The following RNF25 variants were observed in gnomAD, a reference collection of about 807,000 sequenced individuals.
The protein encoded by RNF25 is ring finger protein 25.
In RNF25, 32 loss-of-function variants were observed where a neutral mutation model predicts 65.0. The ratio of observed to expected loss-of-function variants is 0.49; its 90% CI spans 0.37 to 0.66. The LOEUF is 0.66. Among genes scored for constraint, RNF25 ranks in the 30% least tolerant of loss-of-function variants. RNF25 has a pLI of 0.00. For missense variants in RNF25, 493 were observed against 584.8 expected, an observed-to-expected ratio of 0.84 and a Z score of 1.62; for synonymous variants, 207 against 221.2, an observed-to-expected ratio of 0.94 and a Z score of 0.57.
In RNF25 at chr2:218,664,365, T is replaced by G; in HGVS notation, c.972A>C (p.Ser324=). The G allele has an allele frequency of 1.9e-6, 3 of 1,614,242 alleles. No individual in the cohort carries two copies. The highest frequency in any genetic ancestry group is 1.1e-5 in the South Asian group (1 of 91,088). The change falls in exon 10 of 10, where the codon TCA becomes TCC. Residue 324 remains serine (S), a synonymous_variant. Transcript: ENST00000295704. The surrounding 1 kb of genome is among the most constrained non-coding windows in gnomAD (Gnocchi z 5.1). ...HICEKIPGTR[S]NQQRLGETQK... ...GGGTTTCGCCCAACCTTTGCTGATT[T>G]GACCTGGTCCCTGGAATCTTCTCAC...
intron 1 of RNF25, among the ~76,000 whole-genome samples, chr2:218,671,341 T>C (rs769528286): frequency 2.6e-5 from 4 of 152,154 alleles, no homozygotes; most frequent in South Asian, 2.1e-4. Context: ...GCTAATAAAA[T>C]GTGGAGTTAA....
chr2:218,665,092 C>G, intron 8 of RNF25, 63 bp downstream of exon 8: 1 of 1,533,332 alleles, frequency 6.5e-7, no homozygotes, highest in Non-Finnish European at 9.0e-7. Flanking sequence ...AGACAAGATG[C>G]CATTCCTTAC....
In RNF25 at chr2:218,665,954, C is replaced by G; in HGVS notation, c.535G>C (p.Glu179Gln). 2 of 1,614,128 alleles carry G rather than the reference C, an allele frequency of 1.2e-6. No individual in the cohort carries two copies. Among genetic ancestry groups the G allele is most frequent in the African/African-American group, 1.3e-5 (1 of 75,022 alleles). The change falls in exon 7 of 10, where the codon GAG becomes CAG. Residue 179 changes from glutamate to glutamine, a missense_variant. By Grantham distance (29) the Glu-to-Gln change is conservative (BLOSUM62 2). Around this residue, in one of 3 missense-constraint regions of RNF25, gnomAD observed 351 missense variants for 400.2 expected, o/e 0.88. Coordinates refer to ENST00000295704, the MANE Select transcript of RNF25 (RefSeq NM_022453.3). ...GCATGCTGCCGTTCCTGTTCCTGCT[C>G]CTGTCCTTGTGCCTTCAGCTCTTGC... ...MEQELKAQGQ[E>Q]QEQERQHATT... is the part of the protein sequence containing the mutation.
rs1245687288 is a variant in RNF25 at position 218,671,924 on chromosome 2, A to G, written c.41+6T>C. 1.2e-6 allele frequency: 2 copies of G among 1,614,030 alleles called. No homozygotes were observed. The highest frequency in any genetic ancestry group is 1.3e-5 in the African/African-American group (1 of 74,920). ...TGTCAGCCAAAGCCCATGCCCCCAAAGTTACCAGTCCTCCTCCCCTGCAGC... is the reference window on the plus strand; with the variant it reads ...TGTCAGCCAAAGCCCATGCCCCCAAGGTTACCAGTCCTCCTCCCCTGCAGC... On this transcript the variant is annotated splice_donor_region_variant and intron_variant, in intron 1 of 9. Coordinates refer to ENST00000295704, the MANE Select transcript of RNF25 (RefSeq NM_022453.3).
At chr2:218,665,782 G>A in intron 7 of RNF25, 134 bp downstream of exon 7, 2 of 1,191,928 alleles carry the variant, frequency 1.7e-6, no homozygotes, top group Non-Finnish European at 1.2e-6. Flanking sequence ...CTGGACAGAG[G>A]TAAGAGTTCA....
Position 218,664,928 on chromosome 2 carries a change from C to T in RNF25, c.667-55G>A, listed in dbSNP as rs1192869713. On this transcript the variant is annotated intron_variant, in intron 8 of 9. Transcript: ENST00000295704. This position sits in a 1 kb window ranked among gnomAD's most constrained non-coding sequence, Gnocchi z 5.1. ...ATGAACAGCAGAAGGCTGACTCAAA[C>T]CTCTACTCCTCCCAGGCTGCCTCAG... 2.8e-5 allele frequency: 45 copies of T among 1,605,410 alleles called. No homozygotes were observed. The highest frequency in any genetic ancestry group is 3.4e-5 in the Non-Finnish European group (40 of 1,175,840).
intron 7 of RNF25, 21 bp from the exon 8 acceptor site, chr2:218,665,268 A>G (rs749237752): frequency 2.5e-6 from 4 of 1,608,614 alleles, no homozygotes; most frequent in Non-Finnish European, 3.4e-6. Flanking sequence ...GAAAAATCAT[A>G]TGCCTGTGTC....
At chr2:218,665,643 T>C (rs1939807083) in intron 7 of RNF25, among the ~76,000 whole-genome samples, 1 of 150,996 alleles carries the variant, frequency 6.6e-6, no homozygotes, top group African/African-American at 2.5e-5. Flanking sequence ...CTCGGGAGGC[T>C]GAGGCAGAAG....
Position 218,665,226 on chromosome 2 carries a change from G to T in RNF25, c.595C>A (p.Pro199Thr). Residue 199 changes from proline to threonine, a missense_variant, in exon 8 of 10, where the codon CCA becomes ACA. Coordinates refer to ENST00000295704, the MANE Select transcript of RNF25 (RefSeq NM_022453.3). ...TKQKAVGVQC[P>T]VCREPLVYDL... ...TACACGAGGGGCTCTCTGCACACTG[G>T]ACACTGCACACCGACTGCCTTCTAA... 6.2e-7 allele frequency: 1 copy of T among 1,613,978 alleles called. No homozygotes were observed. The highest frequency in any genetic ancestry group is 8.5e-7 in the Non-Finnish European group (1 of 1,179,962).
chr2:218,671,559 G>A (rs2106339033), intron 1 of RNF25, among the ~76,000 whole-genome samples: 1 of 152,326 alleles, frequency 6.6e-6, no homozygotes, highest in East Asian at 1.9e-4. Flanking sequence ...GGCCGGAACT[G>A]GAGGGCACTG....
rs1180019698 is a variant in RNF25 at position 218,666,227 on chromosome 2, C to T, written c.361G>A (p.Gly121Arg). Residue 121 changes from glycine to arginine, a missense_variant, in exon 6 of 10, where the codon GGG (glycine) becomes AGG (arginine). Transcript: ENST00000295704. ...TTGTTATCTGTGAGAATTTCCTTCC[C>T]TTTCTGAGGAGAGAAGACACTGATT... ...TAMLYELIEK[G>R]KEILTDNNIP... 1 of 1,613,050 alleles carries T rather than the reference C, an allele frequency of 6.2e-7. No homozygotes were observed.
At chr2:218,671,756 G>A (rs902057456) in intron 1 of RNF25, among the ~76,000 whole-genome samples, 174 bp downstream of exon 1, 12 of 152,186 alleles carry the variant, frequency 7.9e-5, no homozygotes, top group Non-Finnish European at 1.6e-4. Context: ...ACTCAGATCA[G>A]CGCCCCTCCA....
chr2:218,665,224 T>C lies in RNF25; in HGVS notation c.597A>G (p.Pro199=), dbSNP rs1939795972. ...TKQKAVGVQC[P]VCREPLVYDL... ...CATACACGAGGGGCTCTCTGCACAC[T>C]GGACACTGCACACCGACTGCCTTCT... The change falls in exon 8 of 10, where the codon CCA becomes CCG. Residue 199 remains proline (P), a synonymous_variant. Transcript: ENST00000295704. 2 of 1,613,952 alleles carry C rather than the reference T, an allele frequency of 1.2e-6. No individual in the cohort carries two copies. The highest frequency in any genetic ancestry group is 4.5e-5 in the East Asian group (2 of 44,888).
chr2:218,670,415 G>T (rs1393021847), intron 1 of RNF25, among the ~76,000 whole-genome samples: 3 of 151,438 alleles, frequency 2.0e-5, no homozygotes, highest in Non-Finnish European at 4.4e-5. Flanking sequence ...GGGGAGGGGG[G>T]CCGGGCGCGG....
intron 1 of RNF25, among the ~76,000 whole-genome samples, chr2:218,670,722 T>C (rs990076296): frequency 3.0e-5 from 4 of 131,640 alleles, no homozygotes; most frequent in African/African-American, 5.9e-5. Context: ...AAAAAAAAAA[T>C]TGGGGGAGTG....
In RNF25 at chr2:218,664,226, C is replaced by G; in HGVS notation, c.1111G>C (p.Glu371Gln). 6.3e-7 allele frequency: 1 copy of G among 1,598,866 alleles called. No homozygotes were observed. The highest frequency in any genetic ancestry group is 8.5e-7 in the Non-Finnish European group (1 of 1,172,784). ...AGGGGCCCCTCAGGAGGTGGCAGTT[C>G]CTGGGTGTCACGGGTACCTTTAGGG... The part of the protein sequence containing the change: ...HAPKGTRDTQ[E>Q]LPPPEGPLKE... Residue 371 changes from glutamate to glutamine, a missense_variant, in exon 10 of 10, where the codon GAA becomes CAA. Around this residue, in one of 3 missense-constraint regions of RNF25, gnomAD observed 351 missense variants for 400.2 expected, o/e 0.88. Coordinates refer to ENST00000295704, the MANE Select transcript of RNF25 (RefSeq NM_022453.3). This position sits in a 1 kb window ranked among gnomAD's most constrained non-coding sequence, Gnocchi z 5.1.
At position 218,668,399 on chromosome 2, in the gene RNF25, G is replaced by A. The variant is rs538048648; in HGVS notation, c.117-58C>T. On this transcript the variant is annotated intron_variant, in intron 2 of 9. Coordinates refer to ENST00000295704, the MANE Select transcript of RNF25 (RefSeq NM_022453.3). ...ACTGGGTAGGGGCTTGGGGGCTGGG[G>A]AGGATGGGGCTGAGACAGTGAAGTG... 849 of 1,040,500 alleles carry A rather than the reference G, an allele frequency of 8.2e-4. 3 individuals carry two copies. In the African/African-American group the frequency reaches 0.012, roughly 15 times the overall value. The allele number at this position is 1,040,500 out of a possible 1,614,324, so 64.5% of individuals were successfully genotyped here.
chr2:218,665,164 T>C lies in RNF25; in HGVS notation c.657A>G (p.Gln219=), dbSNP rs1200011767. Residue 219 remains glutamine, a synonymous_variant, in exon 8 of 10, where the codon CAA becomes CAG. Coordinates refer to ENST00000295704, the MANE Select transcript of RNF25 (RefSeq NM_022453.3). The stretch of plus-strand genomic sequence containing the variant: ...AAAAAAGTCTCCTTACCATGGGCTG[T>C]TGGGGTTCAGGGGCTGCTTTCAGTG... The part of the protein sequence containing the change: ...LASLKAAPEP[Q]QPMELYQPSA... 2.5e-6 allele frequency: 4 copies of C among 1,614,146 alleles called. No homozygotes were observed. The highest frequency in any genetic ancestry group is 1.7e-4 in the Middle Eastern group (1 of 6,060).
In RNF25 at chr2:218,669,676, CATGG is replaced by C. The variant is rs556535459; in HGVS notation, c.42-1001_42-998del. Among the ~76,000 whole-genome samples the C allele has an allele frequency of 8.3e-4, 127 of 152,352 alleles. 1 individual carries two copies. Among genetic ancestry groups the C allele is most frequent in the African/African-American group, 2.6e-3 (107 of 41,584 alleles). On this transcript the variant is annotated intron_variant, in intron 1 of 9. Coordinates refer to ENST00000295704, the MANE Select transcript of RNF25 (RefSeq NM_022453.3). Reference sequence around the variant, plus strand: ...GTGTCTACAGCTCTACCAAGTGATACATGGAAAAATGCACACTTTGCTTTCTCAC... The same window carrying C: ...GTGTCTACAGCTCTACCAAGTGATACAAAAATGCACACTTTGCTTTCTCAC...
Sources: gnomAD v4.1 joint callset for allele counts (sites outside exome capture counted in the v4.1 genomes callset) on GRCh38, gnomAD v4.1.1 for gene constraint, gnomAD v4.1.1 regional missense constraint, Gnocchi (gnomAD v3.1) non-coding constraint, MANE v1.5 for transcripts, NCBI Gene and HGNC (gene_info 2026-07-23, HGNC 2026-07-21) for gene names.